Variants in DKK2 observed in about 807,000 individuals in gnomAD.
DKK2 encodes dickkopf Wnt signaling pathway inhibitor 2, also known as dickkopf-related protein 2.
In DKK2, 11 loss-of-function variants were observed where a neutral mutation model predicts 28.1. That is an observed-to-expected ratio of 0.39 (90% CI 0.25 to 0.65). DKK2 has a LOEUF of 0.65. Ranked by LOEUF, DKK2 falls within the 30% of genes least tolerant of loss-of-function variation. The probability of loss-of-function intolerance (pLI) is 0.47; values close to 1 mark genes in which losing one functional copy is unlikely to be tolerated. For synonymous variants in DKK2, 135 were observed against 126.5 expected (o/e 1.07, Z -0.45); for missense variants, 326 against 335.5 (o/e 0.97, Z 0.22).
At chr4:106,995,239 T>C (rs771038100) in intron 1 of DKK2, among the ~76,000 whole-genome samples, 14 of 152,180 alleles carry the variant, frequency 9.2e-5, no homozygotes, top group African/African-American at 1.4e-4. Context: ...CTTTTTATTT[T>C]ATTTCTTAGC....
chr4:106,952,917 T>G (rs1016057113), intron 1 of DKK2, among the ~76,000 whole-genome samples: 7 of 152,180 alleles, frequency 4.6e-5, no homozygotes, highest in Admixed American at 3.3e-4. Flanking sequence ...ATTTAATCTT[T>G]CATCTTCCCC....
intron 1 of DKK2, among the ~76,000 whole-genome samples, chr4:107,029,365 C>T (rs1723842633): frequency 6.6e-6 from 1 of 152,120 alleles, no homozygotes; most frequent in African/African-American, 2.4e-5. Flanking sequence ...ATTGTATAAC[C>T]TCTCTATGTC....
intron 1 of DKK2, among the ~76,000 whole-genome samples, chr4:106,982,925 G>C (rs1723047047): frequency 7.0e-6 from 1 of 142,806 alleles, no homozygotes; most frequent in African/African-American, 2.6e-5. Context: ...ACATTGGGGA[G>C]GGAAAGAAAG....
At chr4:106,994,047 T>C (rs1723238975) in intron 1 of DKK2, among the ~76,000 whole-genome samples, 1 of 152,196 alleles carries the variant, frequency 6.6e-6, no homozygotes, top group Non-Finnish European at 1.5e-5. Context: ...ATTGTAACCT[T>C]ATCTAGCGGT....
intron 1 of DKK2, among the ~76,000 whole-genome samples, chr4:107,013,669 C>T (rs2110370095): frequency 6.6e-6 from 1 of 151,100 alleles, no homozygotes; most frequent in East Asian, 1.9e-4. Flanking sequence ...GCACAGGCAA[C>T]AAAAGCAAAA....
intron 1 of DKK2, among the ~76,000 whole-genome samples, chr4:107,004,192 G>GT (rs2110366332): frequency 6.6e-6 from 1 of 152,294 alleles, no homozygotes; most frequent in East Asian, 1.9e-4. Context: ...GCATTACTCA[G>GT]TCTCATTTTC....
chr4:107,006,555 A>G (rs1723441159), intron 1 of DKK2, among the ~76,000 whole-genome samples: 1 of 152,162 alleles, frequency 6.6e-6, no homozygotes, highest in Admixed American at 6.5e-5. Flanking sequence ...TGACTCCAAG[A>G]TCATGTTAAC....
intron 1 of DKK2, among the ~76,000 whole-genome samples, chr4:106,967,177 G>A (rs544206599): frequency 4.5e-4 from 68 of 152,220 alleles, no homozygotes; most frequent in African/African-American, 1.4e-3. Flanking sequence ...AAAGTGGTGG[G>A]AGAAGACAAA....
intron 1 of DKK2, among the ~76,000 whole-genome samples, chr4:107,032,440 A>G (rs28431995): frequency 3.9e-5 from 6 of 152,122 alleles, no homozygotes; most frequent in African/African-American, 1.4e-4. Flanking sequence ...TTATCTTTAT[A>G]TGAAATCAGG....
chr4:107,002,212 T>C (rs1486855315), intron 1 of DKK2, among the ~76,000 whole-genome samples: 2 of 152,252 alleles, frequency 1.3e-5, no homozygotes. Context: ...CAAGACTGTT[T>C]CTTTACAATG....
chr4:106,955,057 G>C (rs959074681), intron 1 of DKK2, among the ~76,000 whole-genome samples: 1 of 152,150 alleles, frequency 6.6e-6, no homozygotes, highest in East Asian at 1.9e-4. Context: ...GCAACTTCAC[G>C]TCTTCTCAAT....
At chr4:107,032,177 A>C (rs1723885300) in intron 1 of DKK2, among the ~76,000 whole-genome samples, 1 of 152,060 alleles carries the variant, frequency 6.6e-6, no homozygotes, top group Admixed American at 6.5e-5. Flanking sequence ...ATAATTCAGC[A>C]GTTCATTTTT....
chr4:106,929,410 T>G (rs984249145), intron 1 of DKK2, among the ~76,000 whole-genome samples: 9 of 152,166 alleles, frequency 5.9e-5, no homozygotes, highest in African/African-American at 2.2e-4. Context: ...TGCCCCACAA[T>G]TGAATCATAC....
rs146469496 is a variant in DKK2, at chr4:106,934,840, A to G, written c.223-8891T>C. ...TCATTCTATGGTGAAATGACTTCTA[A>G]TTTCCATTTTAAAAGAGATACTTTA... On this transcript the variant is annotated intron_variant, in intron 1 of 3. Transcript: ENST00000285311. Among the ~76,000 whole-genome samples the G allele has an allele frequency of 2.0e-3, 303 of 152,280 alleles. 2 individuals are homozygous for G. The highest frequency in any genetic ancestry group is 7.0e-3 in the African/African-American group (291 of 41,562).
In DKK2 at chr4:106,923,623, T is replaced by C; in HGVS notation, c.*331A>G. On this transcript the variant is annotated 3_prime_UTR_variant, in exon 4 of 4. Coordinates refer to ENST00000285311, the MANE Select transcript of DKK2 (RefSeq NM_014421.3). ...TCAGCAATCTGAAGGAAACCTCTCC[T>C]CCAGCACAACCTAAACTCTTGGAAA... is the stretch of plus-strand genomic sequence containing the variant. 4.4e-6 allele frequency: 1 copy of C among 229,046 alleles called. No individual in the cohort carries two copies. The highest frequency in any genetic ancestry group is 8.7e-6 in the Non-Finnish European group (1 of 114,632). The allele number at this position is 229,046 out of a possible 1,614,324, so 14.2% of individuals were successfully genotyped here. A position where few individuals can be genotyped will look rare whatever the true frequency, so the allele number is the denominator to read the frequency against.
At chr4:106,928,332 A>G (rs1477173123) in intron 1 of DKK2, among the ~76,000 whole-genome samples, 1 of 152,204 alleles carries the variant, frequency 6.6e-6, no homozygotes, top group Non-Finnish European at 1.5e-5. Context: ...ATTAACTTGA[A>G]GTAAAAATGA....
intron 1 of DKK2, among the ~76,000 whole-genome samples, chr4:106,947,278 T>C (rs973097971): frequency 6.6e-6 from 1 of 152,122 alleles, no homozygotes; most frequent in Non-Finnish European, 1.5e-5. Context: ...GTGTGACATC[T>C]GAAGGTAACA....
At chr4:106,930,520 C>A (rs919018613) in intron 1 of DKK2, among the ~76,000 whole-genome samples, 6 of 152,172 alleles carry the variant, frequency 3.9e-5, no homozygotes, top group African/African-American at 1.4e-4. Flanking sequence ...CTTAGTTTAA[C>A]TCCTAAGTTT....
intron 1 of DKK2, among the ~76,000 whole-genome samples, chr4:106,938,759 C>T (rs574576198): frequency 2.0e-5 from 3 of 152,018 alleles, no homozygotes; most frequent in South Asian, 4.2e-4. Context: ...AAAGCTTATT[C>T]ACCATGATCA....
Sources: allele counts gnomAD v4.1 joint callset (sites outside exome capture counted in the v4.1 genomes callset), GRCh38; gene constraint gnomAD v4.1.1; transcripts MANE v1.5; gene names NCBI Gene and HGNC (gene_info 2026-07-23, HGNC 2026-07-21).